TPST1: variants seen among roughly 807,000 people sequenced by gnomAD.
The protein encoded by TPST1 is tyrosylprotein sulfotransferase 1, also known as protein-tyrosine sulfotransferase 1.
A neutral mutation model predicts 34.8 loss-of-function variants in TPST1; 20 were observed. The ratio of observed to expected loss-of-function variants is 0.57; its 90% confidence interval spans 0.40 to 0.84. The LOEUF is 0.84. TPST1 is among the 40% of genes least tolerant of loss of function. The pLI, the probability that TPST1 is intolerant of heterozygous loss-of-function variation, is 0.00. For synonymous variants in TPST1, 152 were observed against 159.4 expected, an observed-to-expected ratio of 0.95 and a Z score of 0.35; for missense variants, 353 against 455.5, an observed-to-expected ratio of 0.78 and a Z score of 2.05.
intron 1 of TPST1, among the ~76,000 whole-genome samples, chr7:66,212,463 C>CT (rs756884668): frequency 8.0e-4 from 49 of 60,920 alleles, no homozygotes; most frequent in South Asian, 1.8e-3. Context: ...TTTCTTTTTT[C>CT]TTTTTTTTTT....
intron 2 of TPST1, among the ~76,000 whole-genome samples, chr7:66,244,627 G>C (rs1311235822): frequency 6.6e-6 from 1 of 152,146 alleles, no homozygotes; most frequent in African/African-American, 2.4e-5. Context: ...GGAATTTTTT[G>C]TGGAATTTTA....
intron 1 of TPST1, among the ~76,000 whole-genome samples, chr7:66,232,739 CTCA>C (rs1415156789): frequency 1.3e-5 from 2 of 152,184 alleles, no homozygotes; most frequent in Non-Finnish European, 2.9e-5. Flanking sequence ...CACTCCTGGG[CTCA>C]TCTCCCACAT....
At chr7:66,237,504 A>AT (rs1193436437) in intron 1 of TPST1, among the ~76,000 whole-genome samples, 2 of 152,038 alleles carry the variant, frequency 1.3e-5, no homozygotes, top group East Asian at 1.9e-4. Context: ...CTCAGAATGT[A>AT]TTTTTTAGTG....
rs1190134548 is a variant in TPST1 at position 66,353,971 on chromosome 7, A to AT, written c.1095+1417dup. ...ACACTTAGCCGCCAGTAATTGATAC[A>AT]TATGACTTGAGTGTTTCAAAGTACT... On this transcript the variant is annotated intron_variant, in intron 4 of 5. Coordinates refer to ENST00000304842, the MANE Select transcript of TPST1 (RefSeq NM_003596.4). Among the ~76,000 whole-genome samples the AT allele has an allele frequency of 2.6e-5, 4 of 152,346 alleles. No individual in the cohort carries two copies. In the East Asian group the frequency reaches 7.7e-4, roughly 29 times the overall value.
At position 66,332,939 on chromosome 7, in the gene TPST1, G is replaced by C. The variant is rs919977164; in HGVS notation, c.1045-19566G>C. On this transcript the variant is annotated intron_variant, in intron 3 of 5. Coordinates refer to ENST00000304842, the MANE Select transcript of TPST1 (RefSeq NM_003596.4). The surrounding 1 kb of genome is among the most constrained non-coding windows in gnomAD (Gnocchi z 4.5). ...GTGGATACCAAGAGATGACTGTATA[G>C]GGGAGGCCGTGGTGACAGATGAAGT... Among the ~76,000 whole-genome samples the C allele has an allele frequency of 1.1e-4, 17 of 152,300 alleles. No homozygotes were observed. The highest frequency in any genetic ancestry group is 1.1e-3 in the Admixed American group (17 of 15,298).
intron 3 of TPST1, among the ~76,000 whole-genome samples, chr7:66,300,327 C>G (rs1294989137): frequency 1.3e-5 from 2 of 152,208 alleles, no homozygotes; most frequent in Admixed American, 1.3e-4. Flanking sequence ...AGAAGCAACT[C>G]ATTCATTCAA....
At chr7:66,341,248 A>G (rs557667164) in intron 3 of TPST1, among the ~76,000 whole-genome samples, 93 of 152,322 alleles carry the variant, frequency 6.1e-4, no homozygotes, top group Admixed American at 1.0e-3. Flanking sequence ...ATGTGCACAC[A>G]TTTTATACAC....
chr7:66,207,445 G>A (rs951918159), intron 1 of TPST1, among the ~76,000 whole-genome samples: 3 of 152,126 alleles, frequency 2.0e-5, no homozygotes, highest in Admixed American at 6.5e-5. Flanking sequence ...TCTTACTTTC[G>A]AAAGCTAACG....
Position 66,240,712 on chromosome 7 carries a change from G to T in TPST1, c.287G>T (p.Arg96Leu). Residue 96 changes from arginine to leucine, a missense_variant, in exon 2 of 6, where the codon CGC (arginine) becomes CTC (leucine). Transcript: ENST00000304842. ...RAMLDAHPDI[R>L]CGEETRVIPR... ...ATGCTGGACGCACATCCTGACATTC[G>T]CTGTGGAGAGGAAACCAGGGTCATT... 1 of 1,614,168 alleles carries T rather than the reference G, an allele frequency of 6.2e-7. No homozygotes were observed. Among genetic ancestry groups the T allele is most frequent in the Non-Finnish European group, 8.5e-7 (1 of 1,180,026 alleles).
At chr7:66,286,746 A>AT in intron 3 of TPST1, 37 bp downstream of exon 3, 1 of 1,418,170 alleles carries the variant, frequency 7.1e-7, no homozygotes, top group Non-Finnish European at 9.3e-7. Context: ...AGAAAACTAG[A>AT]TTTTGAATTT....
chr7:66,337,180 C>A (rs1284007894), intron 3 of TPST1, among the ~76,000 whole-genome samples: 1 of 151,766 alleles, frequency 6.6e-6, no homozygotes, highest in Non-Finnish European at 1.5e-5. Context: ...ATTAAACTCA[C>A]CGGCAAAAGA....
rs1790015503 is a variant in TPST1, at chr7:66,240,778, G to A, written c.353G>A (p.Ser118Asn). The A allele has an allele frequency of 1.2e-6, 2 of 1,614,124 alleles. No individual in the cohort carries two copies. Among genetic ancestry groups the A allele is most frequent in the African/African-American group, 1.3e-5 (1 of 74,940 alleles). Residue 118 changes from serine (S) to asparagine (N), a missense_variant, in exon 2 of 6, where the codon AGT (serine) becomes AAT (asparagine). Ser to Asn is a conservative substitution (Grantham distance 46). Transcript: ENST00000304842. Reference protein sequence around the residue: ...LALKQMWSRSSKEKIRLDEAG... With the variant: ...LALKQMWSRSNKEKIRLDEAG... The stretch of plus-strand genomic sequence containing the variant: ...CTGAAGCAGATGTGGTCACGGTCAA[G>A]TAAAGAGAAGATCCGCCTGGATGAG...
intron 2 of TPST1, among the ~76,000 whole-genome samples, chr7:66,285,789 G>C (rs570690592): frequency 6.6e-6 from 1 of 152,264 alleles, no homozygotes; most frequent in East Asian, 1.9e-4. Flanking sequence ...CAAATATAGT[G>C]AGTATAATCA....
chr7:66,266,203 C>T (rs905430333), intron 2 of TPST1, among the ~76,000 whole-genome samples: 14 of 151,990 alleles, frequency 9.2e-5, no homozygotes, highest in South Asian at 2.1e-4. Context: ...AGGAGCCCTG[C>T]ACATTTCCCA....
chr7:66,201,622 C>T (rs1789036400), upstream of TPST1, among the ~76,000 whole-genome samples: 1 of 151,612 alleles, frequency 6.6e-6, no homozygotes, highest in Admixed American at 6.6e-5. Context: ...ACCTGGGAGG[C>T]AGAGGTTGCA....
At chr7:66,245,894 TTTG>T (rs1483501608) in intron 2 of TPST1, among the ~76,000 whole-genome samples, 1 of 152,148 alleles carries the variant, frequency 6.6e-6, no homozygotes, top group African/African-American at 2.4e-5. Flanking sequence ...CATGTGGTGT[TTTG>T]TTTTTGTTTT....
upstream of TPST1, among the ~76,000 whole-genome samples, chr7:66,200,672 G>A (rs1339865892): frequency 2.6e-5 from 4 of 151,924 alleles, no homozygotes; most frequent in Admixed American, 1.3e-4. Flanking sequence ...CATCCGCTTC[G>A]GCCTCCCAAA....
chr7:66,286,843 A>T (rs9647880), intron 3 of TPST1, 134 bp downstream of exon 3: 5,344 of 274,460 alleles, frequency 0.019, 166 homozygotes, highest in East Asian at 0.16. Context: ...ATTTATTTTT[A>T]TTTTATTTTA....
chr7:66,325,011 T>C (rs908737435), intron 3 of TPST1, among the ~76,000 whole-genome samples: 5 of 152,186 alleles, frequency 3.3e-5, no homozygotes, highest in African/African-American at 1.2e-4. Flanking sequence ...GTTTTCATAC[T>C]GCTATAAAGA....
Sources: allele counts gnomAD v4.1 joint callset (sites outside exome capture counted in the v4.1 genomes callset), GRCh38; gene constraint gnomAD v4.1.1; non-coding constraint Gnocchi (gnomAD v3.1); transcripts MANE v1.5; gene names NCBI Gene and HGNC (gene_info 2026-07-23, HGNC 2026-07-21).